Variants in SLC8A1 observed in about 807,000 individuals in gnomAD.
SLC8A1 encodes the protein solute carrier family 8 member A1.
SLC8A1 carries 18 observed loss-of-function variants against 68.3 expected under a neutral mutation model. The ratio of observed to expected loss-of-function variants is 0.26; its 90% CI spans 0.18 to 0.39. The LOEUF is 0.39. SLC8A1 is among the 10% of genes least tolerant of loss of function. The pLI is 1.00. For synonymous variants in SLC8A1, 475 were observed against 415.5 expected, an observed-to-expected ratio of 1.14 and a Z score of -1.74; for missense variants, 985 against 1,156.7, an observed-to-expected ratio of 0.85 and a Z score of 2.15.
chr2:40,237,105 G>T (rs936129589), intron 2 of SLC8A1, among the ~76,000 whole-genome samples: 1 of 151,680 alleles, frequency 6.6e-6, no homozygotes, highest in Admixed American at 6.6e-5. Context: ...TTCTCGAGGA[G>T]TATCTTTGTG....
intron 7 of SLC8A1, among the ~76,000 whole-genome samples, chr2:40,133,655 C>T (rs1049690409): frequency 3.3e-5 from 5 of 151,420 alleles, no homozygotes; most frequent in African/African-American, 1.2e-4. Context: ...CAACCCCCAC[C>T]AAGACGCGCA....
intron 2 of SLC8A1, among the ~76,000 whole-genome samples, chr2:40,371,543 GT>G (rs1310154553): frequency 6.6e-6 from 1 of 152,092 alleles, no homozygotes; most frequent in Non-Finnish European, 1.5e-5. Flanking sequence ...ACCTCTTAGG[GT>G]TTTTGTGAGG....
At chr2:40,447,021 A>G (rs1042785548) in intron 1 of SLC8A1, among the ~76,000 whole-genome samples, 6 of 152,228 alleles carry the variant, frequency 3.9e-5, no homozygotes, top group African/African-American at 1.4e-4. Context: ...GGATCCAACC[A>G]GGAAATTATT....
chr2:40,488,310 T>C (rs1705098490), intron 1 of SLC8A1, among the ~76,000 whole-genome samples: 1 of 151,966 alleles, frequency 6.6e-6, no homozygotes, highest in African/African-American at 2.4e-5. Context: ...CCAAGGAAGC[T>C]AGTGAAAGAC....
chr2:40,481,132 TG>T (rs1402116680), intron 1 of SLC8A1, among the ~76,000 whole-genome samples: 1 of 152,186 alleles, frequency 6.6e-6, no homozygotes, highest in Middle Eastern at 3.2e-3. Flanking sequence ...TAAGAGTGTG[TG>T]TGTGTATGTT....
At chr2:40,384,288 T>A (rs1286930519) in intron 2 of SLC8A1, among the ~76,000 whole-genome samples, 1 of 152,080 alleles carries the variant, frequency 6.6e-6, no homozygotes, top group Non-Finnish European at 1.5e-5. Flanking sequence ...TAAAAAATGT[T>A]AAGAATTATT....
At chr2:40,405,636 T>TGGTTACTTGCATGGTGGTTTATGGTTG (rs1690106143) in intron 2 of SLC8A1, among the ~76,000 whole-genome samples, 1 of 152,232 alleles carries the variant, frequency 6.6e-6, no homozygotes, top group Non-Finnish European at 1.5e-5. Context: ...GGTTTGTGTG[T>TGGTTACTTGCATGGTGGTTTATGGTTG]GTTTCTTTTT....
rs190585628 is a variant in SLC8A1, at chr2:40,120,073, C to T, written c.2438-4444G>A. 3.9e-4 allele frequency among the ~76,000 whole-genome samples: 59 copies of T among 152,304 alleles called. 1 individual carries two copies. Among genetic ancestry groups the T allele is most frequent in the Admixed American group, 3.4e-3 (52 of 15,302 alleles). The stretch of plus-strand genomic sequence containing the variant: ...CTAAATTTCTCAAACTTTATTGCTA[C>T]TTATAGGCTAAGCCTTAAACATCTC... On this transcript the variant is annotated intron_variant, in intron 7 of 7. Coordinates refer to ENST00000406785, the Ensembl canonical transcript of SLC8A1.
intron 2 of SLC8A1, among the ~76,000 whole-genome samples, chr2:40,381,142 G>A (rs920068427): frequency 3.9e-5 from 6 of 151,978 alleles, no homozygotes; most frequent in African/African-American, 1.4e-4. Flanking sequence ...AACAACCTCA[G>A]CTGGTTGCTC....
intron 2 of SLC8A1, among the ~76,000 whole-genome samples, chr2:40,341,137 G>C (rs1667562625): frequency 6.6e-6 from 1 of 152,084 alleles, no homozygotes; most frequent in Non-Finnish European, 1.5e-5. Flanking sequence ...GTGTGTACTA[G>C]CTTTGCTTTG....
chr2:40,319,094 C>A (rs1336746419), intron 2 of SLC8A1, among the ~76,000 whole-genome samples: 2 of 151,988 alleles, frequency 1.3e-5, no homozygotes, highest in Non-Finnish European at 2.9e-5. Context: ...AATGAGAAAG[C>A]CTTAATTCCT....
intron 2 of SLC8A1, among the ~76,000 whole-genome samples, chr2:40,381,174 G>A (rs116360456): frequency 0.015 from 2,310 of 152,046 alleles, 55 homozygotes; most frequent in African/African-American, 0.052. Context: ...ATCGGGGGTT[G>A]GCTGCACTCG....
At chr2:40,306,221 C>G (rs758084496) in intron 2 of SLC8A1, among the ~76,000 whole-genome samples, 11 of 152,194 alleles carry the variant, frequency 7.2e-5, no homozygotes, top group Admixed American at 5.2e-4. Context: ...ATGAGGAATG[C>G]TCATGTCGAG....
chr2:40,302,537 C>A (rs567928072), intron 2 of SLC8A1, among the ~76,000 whole-genome samples: 13 of 148,142 alleles, frequency 8.8e-5, no homozygotes, highest in Non-Finnish European at 1.6e-4. Flanking sequence ...TATATTTACA[C>A]ACATATCATA....
At chr2:40,294,684 A>G (rs954010438) in intron 2 of SLC8A1, among the ~76,000 whole-genome samples, 2 of 152,190 alleles carry the variant, frequency 1.3e-5, no homozygotes, top group Admixed American at 6.5e-5. Flanking sequence ...TTTAAAAAAC[A>G]TCTCAATCAT....
intron 2 of SLC8A1, among the ~76,000 whole-genome samples, chr2:40,375,719 T>C (rs74259870): frequency 0.014 from 2,061 of 152,154 alleles, 26 homozygotes; most frequent in South Asian, 0.044. Context: ...GTTATATGCT[T>C]AGGCTGGGAG....
At chr2:40,316,113 T>A (rs2074413878) in intron 2 of SLC8A1, among the ~76,000 whole-genome samples, 1 of 152,062 alleles carries the variant, frequency 6.6e-6, no homozygotes, top group South Asian at 2.1e-4. Flanking sequence ...TGTGGGTACC[T>A]CACTGACATA....
chr2:40,424,038 TATC>T (rs1696209494), intron 2 of SLC8A1, among the ~76,000 whole-genome samples: 1 of 151,974 alleles, frequency 6.6e-6, no homozygotes, highest in Non-Finnish European at 1.5e-5. Context: ...CAGTATAAAA[TATC>T]ATACCTCCAT....
chr2:40,452,993 T>C (rs192449092), upstream of SLC8A1, among the ~76,000 whole-genome samples: 592 of 152,270 alleles, frequency 3.9e-3, 3 homozygotes, highest in African/African-American at 0.014. Flanking sequence ...AGCATTATCA[T>C]TGCCAATAAA....
Sources: allele counts gnomAD v4.1 joint callset (sites outside exome capture counted in the v4.1 genomes callset), GRCh38; gene constraint gnomAD v4.1.1; transcripts MANE v1.5; gene names NCBI Gene and HGNC (gene_info 2026-07-23, HGNC 2026-07-21).